The following RALYL variants were observed in gnomAD, a reference collection of about 807,000 sequenced individuals.
RALYL encodes the protein RALY RNA binding protein like, also known as RNA-binding Raly-like protein.
In RALYL, 29 loss-of-function variants were observed where a neutral mutation model predicts 35.1. The observed-to-expected ratio is 0.83, with a 90% confidence interval of 0.61 to 1.13. The LOEUF is 1.13. RALYL is among the 50% of genes most tolerant of loss of function. The pLI, the probability that RALYL is intolerant of heterozygous loss-of-function variation, is 0.00. For missense variants in RALYL, 359 were observed against 360.4 expected, an observed-to-expected ratio of 1.00 and a Z score of 0.03; for synonymous variants, 120 against 127.6, an observed-to-expected ratio of 0.94 and a Z score of 0.40.
At chr8:84,802,520 A>G (rs748820656) in intron 3 of RALYL, among the ~76,000 whole-genome samples, 8 of 152,170 alleles carry the variant, frequency 5.3e-5, no homozygotes, top group Non-Finnish European at 1.0e-4. Context: ...CAGACAAATC[A>G]TACTAACCAC....
At chr8:84,909,157 G>T (rs749623806) in intron 8 of RALYL, among the ~76,000 whole-genome samples, 3 of 152,032 alleles carry the variant, frequency 2.0e-5, no homozygotes, top group African/African-American at 4.8e-5. Context: ...CTTCTCAAAT[G>T]TCCTCATTTT....
chr8:84,296,317 C>G (rs1839731680), intron 1 of RALYL, among the ~76,000 whole-genome samples: 1 of 152,026 alleles, frequency 6.6e-6, no homozygotes, highest in South Asian at 2.1e-4. Context: ...GGAAATTTTC[C>G]TAATGAAAGA....
chr8:84,764,321 G>A (rs1190104747), intron 2 of RALYL, among the ~76,000 whole-genome samples: 1 of 152,080 alleles, frequency 6.6e-6, no homozygotes, highest in Non-Finnish European at 1.5e-5. Context: ...CTTTAGCATG[G>A]CACCGGGCAT....
chr8:84,336,668 G>T (rs1211638871), intron 1 of RALYL, among the ~76,000 whole-genome samples: 4 of 152,044 alleles, frequency 2.6e-5, no homozygotes, highest in Non-Finnish European at 5.9e-5. Flanking sequence ...TCATGTGTTT[G>T]TTTTTTAAGA....
chr8:84,468,482 T>C (rs1347288420), intron 1 of RALYL, among the ~76,000 whole-genome samples: 1 of 149,104 alleles, frequency 6.7e-6, no homozygotes, highest in Non-Finnish European at 1.5e-5. Flanking sequence ...CCCACTCTCT[T>C]CTGGCTTGTA....
chr8:84,224,504 C>G (rs940267655), intron 1 of RALYL, among the ~76,000 whole-genome samples: 2 of 152,134 alleles, frequency 1.3e-5, no homozygotes, highest in East Asian at 3.9e-4. Flanking sequence ...GGCCAGTGTT[C>G]TCTGTGCACA....
chr8:84,261,093 G>T (rs1832179190), intron 1 of RALYL, among the ~76,000 whole-genome samples: 2 of 119,044 alleles, frequency 1.7e-5, no homozygotes, highest in Non-Finnish European at 3.4e-5. Flanking sequence ...TGTAACTACA[G>T]TAGTTATTTA....
At chr8:84,742,709 C>T (rs1054502205) in intron 2 of RALYL, among the ~76,000 whole-genome samples, 1 of 152,014 alleles carries the variant, frequency 6.6e-6, no homozygotes, top group Non-Finnish European at 1.5e-5. Context: ...TATAATGGAA[C>T]ATCCCCCAAG....
chr8:84,220,597 T>C (rs962035890), intron 1 of RALYL, among the ~76,000 whole-genome samples: 1 of 152,014 alleles, frequency 6.6e-6, no homozygotes, highest in Admixed American at 6.6e-5. Flanking sequence ...GATTTTTACA[T>C]CAGAACATAA....
chr8:84,747,036 A>G (rs1808767400), intron 2 of RALYL, among the ~76,000 whole-genome samples: 1 of 151,914 alleles, frequency 6.6e-6, no homozygotes, highest in South Asian at 2.1e-4. Flanking sequence ...AATACAAAAG[A>G]TTATTTTATC....
intron 4 of RALYL, among the ~76,000 whole-genome samples, chr8:84,812,776 A>C (rs1196479825): frequency 6.6e-6 from 1 of 152,164 alleles, no homozygotes; most frequent in African/African-American, 2.4e-5. Context: ...CCCCGCTAAC[A>C]GCCCCAAGTT....
At chr8:84,642,389 AC>A (rs763192339) in intron 2 of RALYL, among the ~76,000 whole-genome samples, 5 of 151,940 alleles carry the variant, frequency 3.3e-5, no homozygotes, top group Non-Finnish European at 5.9e-5. Context: ...AAACTCTTTT[AC>A]CTTTTTTTTC....
chr8:84,256,718 AAATG>A (rs913844325), intron 1 of RALYL, among the ~76,000 whole-genome samples: 1 of 152,138 alleles, frequency 6.6e-6, no homozygotes, highest in African/African-American at 2.4e-5. Context: ...TAAGGGCCTT[AAATG>A]AATTAACTTA....
intron 2 of RALYL, among the ~76,000 whole-genome samples, chr8:84,743,685 A>G (rs1481749732): frequency 1.3e-5 from 2 of 152,066 alleles, no homozygotes; most frequent in Middle Eastern, 3.2e-3. Flanking sequence ...AAAAGGCACA[A>G]GACAATGTCT....
chr8:84,826,078 A>G (rs1829622237), intron 4 of RALYL, among the ~76,000 whole-genome samples: 1 of 152,070 alleles, frequency 6.6e-6, no homozygotes, highest in African/African-American at 2.4e-5. Flanking sequence ...GAATGTTCTT[A>G]CTCATAACAA....
intron 2 of RALYL, among the ~76,000 whole-genome samples, chr8:84,648,602 A>T (rs1253937988): frequency 2.0e-5 from 3 of 151,998 alleles, no homozygotes; most frequent in Admixed American, 2.0e-4. Flanking sequence ...GTATATCCAC[A>T]TTACTATGCA....
intron 1 of RALYL, among the ~76,000 whole-genome samples, chr8:84,231,881 G>A (rs1413275735): frequency 6.6e-6 from 1 of 152,064 alleles, no homozygotes; most frequent in Non-Finnish European, 1.5e-5. Context: ...GTTCAGAAAA[G>A]TTCAGTACAG....
At chr8:84,467,108 A>C (rs1156640672) in intron 1 of RALYL, among the ~76,000 whole-genome samples, 3 of 151,746 alleles carry the variant, frequency 2.0e-5, no homozygotes, top group Non-Finnish European at 4.4e-5. Context: ...TGGATTCATT[A>C]ATTTTTTGAA....
intron 1 of RALYL, among the ~76,000 whole-genome samples, chr8:84,389,609 T>C (rs1860123379): frequency 6.6e-6 from 1 of 150,922 alleles, no homozygotes; most frequent in African/African-American, 2.5e-5. Context: ...GAAGCAATTG[T>C]GAATGGGAGT....
Sources: allele counts gnomAD v4.1 joint callset (sites outside exome capture counted in the v4.1 genomes callset), GRCh38; gene constraint gnomAD v4.1.1; transcripts MANE v1.5; gene names NCBI Gene and HGNC (gene_info 2026-07-23, HGNC 2026-07-21).